The following FAM135B variants were observed in gnomAD, a reference collection of about 807,000 sequenced individuals.
FAM135B encodes family with sequence similarity 135 member B.
In FAM135B, 43 loss-of-function variants were observed where a neutral mutation model predicts 127.7. That is an observed-to-expected ratio of 0.34 (90% CI 0.26 to 0.43). FAM135B has a LOEUF of 0.43. Ranked by LOEUF, FAM135B falls within the 20% of genes least tolerant of loss-of-function variation. The pLI is 1.00. For missense variants in FAM135B, 1,558 were observed against 1,725.6 expected, an observed-to-expected ratio of 0.90 and a Z score of 1.72; for synonymous variants, 670 against 665.1, an observed-to-expected ratio of 1.01 and a Z score of -0.11.
At chr8:138,402,345 G>T (rs1237970705) in intron 1 of FAM135B, among the ~76,000 whole-genome samples, 1 of 152,144 alleles carries the variant, frequency 6.6e-6, no homozygotes, top group African/African-American at 2.4e-5. Context: ...CCACATTCAA[G>T]AAGTTAACTG....
At chr8:138,264,803 G>A (rs1244683114) in intron 4 of FAM135B, among the ~76,000 whole-genome samples, 2 of 152,112 alleles carry the variant, frequency 1.3e-5, no homozygotes, top group Non-Finnish European at 2.9e-5. Flanking sequence ...AAGCCTGAGA[G>A]GAGAAAGATA....
intron 3 of FAM135B, among the ~76,000 whole-genome samples, chr8:138,284,293 G>A (rs1379511881): frequency 2.0e-5 from 3 of 151,746 alleles, no homozygotes; most frequent in African/African-American, 4.8e-5. Flanking sequence ...AACCTTGTCC[G>A]TGCTCTCCTT....
At chr8:138,221,161 A>G (rs1392260649) in intron 7 of FAM135B, among the ~76,000 whole-genome samples, 2 of 152,188 alleles carry the variant, frequency 1.3e-5, no homozygotes, top group Non-Finnish European at 2.9e-5. Flanking sequence ...AAGAGGTTTA[A>G]TTGGCTCATG....
intron 2 of FAM135B, among the ~76,000 whole-genome samples, chr8:138,345,108 G>A (rs942636068): frequency 2.6e-5 from 4 of 152,134 alleles, no homozygotes; most frequent in Admixed American, 6.5e-5. Flanking sequence ...AGTGGAGGAT[G>A]AGGGTCAGAA....
intron 2 of FAM135B, among the ~76,000 whole-genome samples, chr8:138,332,430 T>A (rs1016404001): frequency 1.3e-5 from 2 of 152,154 alleles, no homozygotes; most frequent in African/African-American, 2.4e-5. Flanking sequence ...GCCCTCCCAG[T>A]CATACAATTA....
intron 3 of FAM135B, among the ~76,000 whole-genome samples, chr8:138,271,186 G>C (rs1823346946): frequency 6.6e-6 from 1 of 152,194 alleles, no homozygotes; most frequent in Non-Finnish European, 1.5e-5. Context: ...TATCTGAAGA[G>C]ATGCAATTCT....
In FAM135B at chr8:138,155,348, A is replaced by G. The variant is rs991813842; in HGVS notation, c.1259-2132T>C. Among the ~76,000 whole-genome samples the G allele has an allele frequency of 6.6e-5, 10 of 152,364 alleles. 1 individual carries two copies. Among genetic ancestry groups the G allele is most frequent in the Admixed American group, 3.9e-4 (6 of 15,306 alleles). On this transcript the variant is annotated intron_variant, in intron 12 of 19. Coordinates refer to ENST00000395297, the MANE Select transcript of FAM135B (RefSeq NM_015912.4). ...ACCAGCCACTGCAAACACATGCCAA[A>G]TTGTAAAGACCATCGATGCTGGGAA...
At chr8:138,380,160 T>C (rs1246371108) in intron 1 of FAM135B, among the ~76,000 whole-genome samples, 1 of 152,044 alleles carries the variant, frequency 6.6e-6, no homozygotes, top group Non-Finnish European at 1.5e-5. Flanking sequence ...AGTAGCACCA[T>C]ATGGGTTTCT....
At chr8:138,145,808 T>C in intron 15 of FAM135B, 151 bp downstream of exon 15, 1 of 539,990 alleles carries the variant, frequency 1.9e-6, no homozygotes, top group Non-Finnish European at 3.3e-6. Flanking sequence ...AAACAGTCTC[T>C]TCTTTCCAAC....
At chr8:138,309,830 C>T (rs1025632994) in intron 3 of FAM135B, among the ~76,000 whole-genome samples, 9 of 151,430 alleles carry the variant, frequency 5.9e-5, no homozygotes, top group African/African-American at 2.2e-4. Context: ...TGCTCCCTAC[C>T]CTCTACCCTA....
intron 1 of FAM135B, among the ~76,000 whole-genome samples, chr8:138,414,197 C>A (rs527329384): frequency 1.0e-4 from 15 of 149,222 alleles, no homozygotes; most frequent in African/African-American, 3.2e-4. Flanking sequence ...CTGTTTCTAC[C>A]TAAATAATGA....
At chr8:138,399,387 G>C (rs1833022365) in intron 1 of FAM135B, among the ~76,000 whole-genome samples, 1 of 152,180 alleles carries the variant, frequency 6.6e-6, no homozygotes, top group Admixed American at 6.5e-5. Context: ...ATCTAGAATA[G>C]AGAGTGAGCT....
intron 1 of FAM135B, among the ~76,000 whole-genome samples, chr8:138,452,351 C>A (rs1318170286): frequency 6.6e-6 from 1 of 151,938 alleles, no homozygotes; most frequent in African/African-American, 2.4e-5. Context: ...GAACTCCTGA[C>A]CTCAGGTGAT....
intron 1 of FAM135B, among the ~76,000 whole-genome samples, chr8:138,398,087 T>C (rs1381259494): frequency 6.6e-6 from 1 of 152,172 alleles, no homozygotes; most frequent in Non-Finnish European, 1.5e-5. Context: ...AGGGAGGCCA[T>C]GGTCCTGCAT....
chr8:138,377,924 C>T (rs1173162086), intron 1 of FAM135B, among the ~76,000 whole-genome samples: 1 of 152,200 alleles, frequency 6.6e-6, no homozygotes, highest in Non-Finnish European at 1.5e-5. Context: ...AATATCTGCT[C>T]AGTGTTCCAG....
At chr8:138,334,267 T>A (rs769977539) in intron 2 of FAM135B, among the ~76,000 whole-genome samples, 4 of 152,180 alleles carry the variant, frequency 2.6e-5, no homozygotes, top group Non-Finnish European at 5.9e-5. Context: ...GGGGCTAGAA[T>A]TGCTTGCTCT....
intron 2 of FAM135B, among the ~76,000 whole-genome samples, chr8:138,360,970 G>T (rs1447279395): frequency 6.6e-6 from 1 of 151,346 alleles, no homozygotes; most frequent in Non-Finnish European, 1.5e-5. Context: ...CTGTTGCCCA[G>T]GCAGGAGTGC....
At chr8:138,162,296 C>T (rs1197912609) in intron 12 of FAM135B, among the ~76,000 whole-genome samples, 1 of 152,096 alleles carries the variant, frequency 6.6e-6, no homozygotes, top group Non-Finnish European at 1.5e-5. Context: ...GGGGAGAAGG[C>T]AGGATAAATA....
intron 1 of FAM135B, among the ~76,000 whole-genome samples, chr8:138,494,849 A>AC (rs1554706388): frequency 5.3e-5 from 8 of 150,074 alleles, no homozygotes; most frequent in African/African-American, 2.0e-4. Flanking sequence ...AAAAAAAAAA[A>AC]AAACTTAATC....
Sources: gnomAD v4.1 joint callset for allele counts (sites outside exome capture counted in the v4.1 genomes callset) on GRCh38, gnomAD v4.1.1 for gene constraint, MANE v1.5 for transcripts, NCBI Gene and HGNC (gene_info 2026-07-23, HGNC 2026-07-21) for gene names.